Variants in AJAP1 observed in about 807,000 individuals in gnomAD.
The protein encoded by AJAP1 is adherens junction-associated protein 1.
In AJAP1, 5 loss-of-function variants were observed where a neutral mutation model predicts 35.0. That is an observed-to-expected ratio of 0.14 (90% CI 0.07 to 0.30). AJAP1 has a LOEUF of 0.30. Among genes scored for constraint, AJAP1 ranks in the 10% least tolerant of loss-of-function variants. The pLI is 1.00. For synonymous variants in AJAP1, 284 were observed against 249.3 expected (o/e 1.14, Z -1.31); for missense variants, 586 against 571.0 (o/e 1.03, Z -0.27).
At position 4,791,258 on chromosome 1, in the gene AJAP1, A is replaced by G. The variant is rs539403352; in HGVS notation, c.*8773A>G. On this transcript the variant is annotated 3_prime_UTR_variant, in exon 6 of 6. Coordinates refer to ENST00000378191, the MANE Select transcript of AJAP1 (RefSeq NM_018836.4). Reference sequence around the variant, plus strand: ...CCCCGGGAATATGAGTTAGACCCAGAAAGTATTGAACTGGACATTGAATGA... The same window carrying G: ...CCCCGGGAATATGAGTTAGACCCAGGAAGTATTGAACTGGACATTGAATGA... 3 of 152,352 alleles carry G rather than the reference A, an allele frequency of 2.0e-5. No homozygotes were observed. The allele number at this position is 152,352 out of a possible 1,614,324, so 9.4% of individuals were successfully genotyped here.
At chr1:4,666,550 G>A (rs180729401) in intron 1 of AJAP1, among the ~76,000 whole-genome samples, 2 of 148,060 alleles carry the variant, frequency 1.4e-5, no homozygotes, top group African/African-American at 5.0e-5. Context: ...GGAGGGGTGC[G>A]GAGAGGGGCC....
rs777703307 is a variant in AJAP1, at chr1:4,712,378, A to G, written c.508A>G (p.Arg170Gly). Reference sequence around the variant, plus strand: ...GGACGGTCTCAGCAGCTTCGACTCCAGAGGCAGCCGGCCCACCACAGAGAC... The same window carrying G: ...GGACGGTCTCAGCAGCTTCGACTCCGGAGGCAGCCGGCCCACCACAGAGAC... ...QGDGLSSFDS[R>G]GSRPTTETEF... Residue 170 changes from arginine (R) to glycine (G), a missense_variant, in exon 2 of 6, where the codon AGA (arginine) becomes GGA (glycine). Physicochemically the swap from Arg to Gly is moderately radical, Grantham distance 125. Transcript: ENST00000378191. 6.5e-7 allele frequency: 1 copy of G among 1,546,366 alleles called. No homozygotes were observed. Among genetic ancestry groups the G allele is most frequent in the South Asian group, 1.2e-5 (1 of 80,950 alleles).
intron 2 of AJAP1, among the ~76,000 whole-genome samples, chr1:4,761,566 G>C (rs1641567021): frequency 6.6e-6 from 1 of 152,190 alleles, no homozygotes; most frequent in Admixed American, 6.5e-5. Context: ...ATCAGAATCT[G>C]TATTAGTCAG....
rs1273644806 is a variant in AJAP1, at chr1:4,786,320, A to G, written c.*3835A>G. The G allele has an allele frequency of 6.6e-6, 1 of 152,122 alleles. No homozygotes were observed. Among genetic ancestry groups the G allele is most frequent in the African/African-American group, 2.4e-5 (1 of 41,416 alleles). 9.4% of individuals were successfully genotyped at this position (152,122 alleles called of 1,614,324 possible). ...TGAACTTGAGTGGACTTCTCATATT[A>G]CATTCAGCTCCCAGAAATTCACTCC... On this transcript the variant is annotated 3_prime_UTR_variant, in exon 6 of 6. Transcript: ENST00000378191.
At chr1:4,705,125 G>A (rs933960683) in intron 1 of AJAP1, among the ~76,000 whole-genome samples, 1 of 152,014 alleles carries the variant, frequency 6.6e-6, no homozygotes, top group African/African-American at 2.4e-5. Context: ...CACTCTGATG[G>A]TAGTTTCTTT....
rs1325527102 is a variant in AJAP1, at chr1:4,792,026, C to T, written c.*9541C>T. The T allele has an allele frequency of 1.3e-5, 2 of 152,128 alleles. No individual in the cohort carries two copies. The highest frequency in any genetic ancestry group is 6.5e-5 in the Admixed American group (1 of 15,276). 9.4% of individuals were successfully genotyped at this position (152,128 alleles called of 1,614,324 possible). A position where few individuals can be genotyped will look rare whatever the true frequency, so the allele number is the denominator to read the frequency against. On this transcript the variant is annotated 3_prime_UTR_variant, in exon 6 of 6. Coordinates refer to ENST00000378191, the MANE Select transcript of AJAP1 (RefSeq NM_018836.4). ...TTGAATGTTTTAGAACTTTATTCCC[C>T]CGCCCCCTCACCCATGTATACCAAA... is the stretch of plus-strand genomic sequence containing the variant.
intron 1 of AJAP1, among the ~76,000 whole-genome samples, chr1:4,669,736 G>T (rs1259651867): frequency 1.3e-5 from 2 of 152,174 alleles, no homozygotes; most frequent in Admixed American, 1.3e-4. Context: ...ATTGTAGCGT[G>T]CATCAGTACT....
At chr1:4,709,881 C>T (rs150455825) in intron 1 of AJAP1, among the ~76,000 whole-genome samples, 3 of 152,182 alleles carry the variant, frequency 2.0e-5, no homozygotes, top group Admixed American at 2.0e-4. Flanking sequence ...AATTAGCACT[C>T]ATTAGCAAGA....
chr1:4,664,453 G>A (rs1448444886), intron 1 of AJAP1, among the ~76,000 whole-genome samples: 3 of 152,160 alleles, frequency 2.0e-5, no homozygotes, highest in African/African-American at 4.8e-5. Flanking sequence ...CAATGGTGGT[G>A]GAGTTGCCAG....
At chr1:4,733,644 C>T (rs1022362112) in intron 2 of AJAP1, among the ~76,000 whole-genome samples, 22 of 151,750 alleles carry the variant, frequency 1.4e-4, no homozygotes, top group Admixed American at 1.1e-3. Context: ...ACAGATCCTG[C>T]TCCGAGCGCG....
Position 4,769,849 on chromosome 1 carries a change from C to T in AJAP1, c.830-4C>T, listed in dbSNP as rs377403165. 7.4e-6 allele frequency: 12 copies of T among 1,613,450 alleles called. No individual in the cohort carries two copies. The highest frequency in any genetic ancestry group is 3.3e-4 in the Middle Eastern group (2 of 6,062). ...TGCCCTCTTCCCTCTTTCCTTCTTT[C>T]CAGGTCTGGCTGTCCATCAGATCAT... On this transcript the variant is annotated splice_region_variant and splice_polypyrimidine_tract_variant and intron_variant, in intron 2 of 5. Transcript: ENST00000378191.
intron 5 of AJAP1, among the ~76,000 whole-genome samples, chr1:4,777,087 C>T (rs901596256): frequency 2.6e-5 from 4 of 152,218 alleles, no homozygotes; most frequent in African/African-American, 4.8e-5. Flanking sequence ...AGGATGAAAG[C>T]GTTGGGATTC....
Position 4,760,339 on chromosome 1 carries a change from CTGTG to C in AJAP1, c.830-9506_830-9503del, listed in dbSNP as rs113887458. 9.7e-3 allele frequency among the ~76,000 whole-genome samples: 1,461 copies of C among 151,166 alleles called. 23 individuals are homozygous for C. Among genetic ancestry groups the C allele is most frequent in the African/African-American group, 0.033 (1,370 of 41,160 alleles). On this transcript the variant is annotated intron_variant, in intron 2 of 5. Transcript: ENST00000378191. ...TGAGTGTGTGTGAACGTGTGTGAGT[CTGTG>C]TGTGTGTATGAGTGTGTGTGCATGT...
In AJAP1 at chr1:4,783,963, G is replaced by C. The variant is rs1642118841; in HGVS notation, c.*1478G>C. ...TTCCCTTGCGCAGGTGGGCAGGTGT[G>C]GCCCGCTTTTTCTAGGGCCCAAGGG... On this transcript the variant is annotated 3_prime_UTR_variant, in exon 6 of 6. Coordinates refer to ENST00000378191, the MANE Select transcript of AJAP1 (RefSeq NM_018836.4). 1 of 152,184 alleles carries C rather than the reference G, an allele frequency of 6.6e-6. No individual in the cohort carries two copies. The highest frequency in any genetic ancestry group is 6.5e-5 in the Admixed American group (1 of 15,268). 9.4% of individuals were successfully genotyped at this position (152,184 alleles called of 1,614,324 possible). A position where few individuals can be genotyped will look rare whatever the true frequency, so the allele number is the denominator to read the frequency against.
rs548226072 is a variant in AJAP1 at position 4,692,663 on chromosome 1, A to G, written c.30-19237A>G. On this transcript the variant is annotated intron_variant, in intron 1 of 5. Coordinates refer to ENST00000378191, the MANE Select transcript of AJAP1 (RefSeq NM_018836.4). This position sits in a 1 kb window ranked among gnomAD's most constrained non-coding sequence, Gnocchi z 4.4. ...TGCCTCCTGTCCCGGGTCAACTCCTACTTGGCATTGGAGACCCATCACTTC... is the reference window on the plus strand; with the variant it reads ...TGCCTCCTGTCCCGGGTCAACTCCTGCTTGGCATTGGAGACCCATCACTTC... 6.6e-6 allele frequency among the ~76,000 whole-genome samples: 1 copy of G among 152,220 alleles called. No individual in the cohort carries two copies. The highest frequency in any genetic ancestry group is 6.5e-5 in the Admixed American group (1 of 15,290).
chr1:4,754,927 G>T (rs1641394851), intron 2 of AJAP1, among the ~76,000 whole-genome samples: 1 of 152,174 alleles, frequency 6.6e-6, no homozygotes, highest in African/African-American at 2.4e-5. Context: ...TTCATGTCCT[G>T]ACTTGCAACA....
intron 1 of AJAP1, among the ~76,000 whole-genome samples, chr1:4,663,584 G>A (rs567614438): frequency 2.0e-5 from 3 of 152,306 alleles, no homozygotes; most frequent in South Asian, 4.1e-4. Context: ...GTGGGAGGAG[G>A]GTGGCGCCTG....
In AJAP1 at chr1:4,734,543, A is replaced by G. The variant is rs1640874322; in HGVS notation, c.829+21844A>G. Among the ~76,000 whole-genome samples, 1 of 152,120 alleles carries G rather than the reference A, an allele frequency of 6.6e-6. No individual in the cohort carries two copies. Among genetic ancestry groups the G allele is most frequent in the Non-Finnish European group, 1.5e-5 (1 of 68,004 alleles). ...GACTGTATCTCCTTCAGTCTTCTCC[A>G]CCATCCCTTGGGCGTATGGTATTTT... On this transcript the variant is annotated intron_variant, in intron 2 of 5. Transcript: ENST00000378191. This position sits in a 1 kb window ranked among gnomAD's most constrained non-coding sequence, Gnocchi z 4.3.
intron 1 of AJAP1, among the ~76,000 whole-genome samples, chr1:4,664,688 G>C (rs1639078255): frequency 6.6e-6 from 1 of 152,056 alleles, no homozygotes; most frequent in Non-Finnish European, 1.5e-5. Flanking sequence ...GCATCTGCCT[G>C]GCTCTCATTT....
Sources: gnomAD v4.1 joint callset for allele counts (sites outside exome capture counted in the v4.1 genomes callset) on GRCh38, gnomAD v4.1.1 for gene constraint, Gnocchi (gnomAD v3.1) non-coding constraint, MANE v1.5 for transcripts, NCBI Gene and HGNC (gene_info 2026-07-23, HGNC 2026-07-21) for gene names.